Variants in MMP26 observed in about 807,000 individuals in gnomAD.
MMP26 encodes the protein matrix metallopeptidase 26, also known as matrix metalloproteinase-26.
In MMP26, 33 loss-of-function variants were observed where a neutral mutation model predicts 31.0. That is an observed-to-expected ratio of 1.06 (90% CI 0.81 to 1.42). The LOEUF (loss-of-function observed/expected upper bound fraction) is 1.42, where lower values mean the gene tolerates loss of function less well. Among genes scored for constraint, MMP26 ranks in the 40% most tolerant of loss-of-function variants. The probability of loss-of-function intolerance (pLI) is 0.00; values close to 1 mark genes in which losing one functional copy is unlikely to be tolerated. For missense variants in MMP26, 347 were observed against 316.1 expected (o/e 1.10, Z -0.74); for synonymous variants, 122 against 114.9 (o/e 1.06, Z -0.40).
intron 2 of MMP26, among the ~76,000 whole-genome samples, chr11:4,893,231 CAA>C (rs1338637090): frequency 6.6e-6 from 1 of 151,930 alleles, no homozygotes. Flanking sequence ...GTTTAATTAT[CAA>C]AATAAAAATA....
intron 2 of MMP26, among the ~76,000 whole-genome samples, chr11:4,892,363 C>G (rs570652726): frequency 3.9e-5 from 6 of 152,214 alleles, no homozygotes; most frequent in African/African-American, 1.4e-4. Context: ...GTGTCTTGGC[C>G]CTTAAAGTCT....
intron 2 of MMP26, chr11:4,822,459 G>A (rs1304181446): frequency 4.6e-6 from 6 of 1,294,360 alleles, no homozygotes; most frequent in Non-Finnish European, 5.0e-6. Context: ...GCCCACACAT[G>A]CCTCCAACAG....
chr11:4,790,959 A>G (rs34009241), intron 2 of MMP26, among the ~76,000 whole-genome samples: 14,378 of 152,262 alleles, frequency 0.094, 849 homozygotes, highest in Middle Eastern at 0.15. Flanking sequence ...ATTTCTAATT[A>G]TATCTTAACT....
At chr11:4,912,453 A>G (rs1016503344) in intron 2 of MMP26, 2 of 152,224 alleles carry the variant, frequency 1.3e-5, no homozygotes, top group African/African-American at 4.8e-5. Flanking sequence ...GAAGCTGTAT[A>G]CATGCCTCAA....
intron 2 of MMP26, chr11:4,769,740 G>T: frequency 1.2e-6 from 2 of 1,613,836 alleles, no homozygotes; most frequent in Non-Finnish European, 1.7e-6. Context: ...TAATACATGG[G>T]TTCATGGAGA....
chr11:4,857,999 G>C (rs1850081988), intron 2 of MMP26, among the ~76,000 whole-genome samples: 1 of 152,278 alleles, frequency 6.6e-6, no homozygotes, highest in East Asian at 1.9e-4. Flanking sequence ...AATAGATGCA[G>C]AAAAGGCTTT....
chr11:4,960,762 A>T lies in MMP26; in HGVS notation c.-144-27306A>T, dbSNP rs531096986. Among the ~76,000 whole-genome samples, 56 of 152,256 alleles carry T rather than the reference A, an allele frequency of 3.7e-4. No individual in the cohort carries two copies. In the South Asian group the frequency reaches 0.011, roughly 29 times the overall value. ...TAAAATATATTTATTTACATTTAAA[A>T]AGGGGATTTATTTGAGAAATATAAA... On this transcript the variant is annotated intron_variant, in intron 2 of 7. Coordinates refer to ENST00000380390, the MANE Select transcript of MMP26 (RefSeq NM_021801.5).
chr11:4,885,694 C>A (rs1434837441), intron 2 of MMP26, among the ~76,000 whole-genome samples: 2 of 151,972 alleles, frequency 1.3e-5, no homozygotes, highest in African/African-American at 4.8e-5. Context: ...TTTTAATAAA[C>A]AAACACATGG....
chr11:4,872,090 T>C (rs556127854), intron 2 of MMP26, among the ~76,000 whole-genome samples: 1 of 152,210 alleles, frequency 6.6e-6, no homozygotes, highest in East Asian at 1.9e-4. Context: ...GTAATAATAG[T>C]GCTTTTCCAC....
At position 4,909,093 on chromosome 11, in the gene MMP26, T is replaced by C. The variant is rs1289159419; in HGVS notation, c.-144-78975T>C. On this transcript the variant is annotated intron_variant, in intron 2 of 7. Transcript: ENST00000380390. ...CTAAAAGATAATTTTAAACCCCCTA[T>C]GGTTTTGCTGTTTAGTTTTTTTCTG... 3 of 152,282 alleles carry C rather than the reference T, an allele frequency of 2.0e-5. No individual in the cohort carries two copies. In the East Asian group the frequency reaches 5.8e-4, roughly 29 times the overall value. The allele number at this position is 152,282 out of a possible 1,614,324, so 9.4% of individuals were successfully genotyped here.
chr11:4,718,959 G>C, intron 1 of MMP26: 1 of 193,716 alleles, frequency 5.2e-6, no homozygotes, highest in Non-Finnish European at 1.0e-5. Context: ...AATCTTCAGT[G>C]CTGTTGGCCA....
At chr11:4,782,894 G>A (rs1320009771) in intron 2 of MMP26, among the ~76,000 whole-genome samples, 1 of 152,218 alleles carries the variant, frequency 6.6e-6, no homozygotes. Context: ...GAGCTTGCAA[G>A]TGCACAGAAG....
intron 2 of MMP26, among the ~76,000 whole-genome samples, chr11:4,858,177 G>T (rs1850085465): frequency 6.6e-6 from 1 of 152,076 alleles, no homozygotes; most frequent in African/African-American, 2.4e-5. Context: ...AGACAGGGAT[G>T]CCCTCTCACA....
chr11:4,855,723 G>A (rs1004366785), intron 2 of MMP26, among the ~76,000 whole-genome samples: 2 of 152,010 alleles, frequency 1.3e-5, no homozygotes, highest in East Asian at 1.9e-4. Context: ...TATAGAGAAC[G>A]CCACAATGAT....
intron 2 of MMP26, among the ~76,000 whole-genome samples, chr11:4,801,387 G>T (rs1849178927): frequency 6.6e-6 from 1 of 151,982 alleles, no homozygotes; most frequent in Non-Finnish European, 1.5e-5. Flanking sequence ...GTGCCAGCTT[G>T]TTTTTGGTGA....
intron 1 of MMP26, among the ~76,000 whole-genome samples, chr11:4,725,895 C>G (rs1201109539): frequency 1.3e-5 from 2 of 152,096 alleles, no homozygotes; most frequent in African/African-American, 4.8e-5. Context: ...TCCTGTGGAC[C>G]AGAAGTACAC....
intron 2 of MMP26, among the ~76,000 whole-genome samples, chr11:4,903,622 A>G (rs1447046498): frequency 3.3e-5 from 5 of 152,262 alleles, no homozygotes; most frequent in Non-Finnish European, 5.9e-5. Context: ...CTGTTAAGGT[A>G]CAATGAATAC....
chr11:4,965,149 ACCAGCC>A (rs1180082446), intron 2 of MMP26, among the ~76,000 whole-genome samples: 17 of 152,284 alleles, frequency 1.1e-4, no homozygotes, highest in South Asian at 8.3e-4. Flanking sequence ...ATCAGATATG[ACCAGCC>A]ACTTTTAAGG....
chr11:4,892,260 C>G (rs113510348), intron 2 of MMP26, among the ~76,000 whole-genome samples: 2,028 of 152,248 alleles, frequency 0.013, 28 homozygotes, highest in Middle Eastern at 0.034. Flanking sequence ...GCCACTCTCT[C>G]TCCCCTAAAG....
Sources: allele counts gnomAD v4.1 joint callset (sites outside exome capture counted in the v4.1 genomes callset), GRCh38; gene constraint gnomAD v4.1.1; transcripts MANE v1.5; gene names NCBI Gene and HGNC (gene_info 2026-07-23, HGNC 2026-07-21).